ZNF804B: variants seen among roughly 807,000 people sequenced by gnomAD.
ZNF804B encodes zinc finger protein 804B, also known as zinc finger 804B.
Under a neutral mutation model 101.4 loss-of-function variants are expected in ZNF804B, and 80 were observed. The ratio of observed to expected loss-of-function variants is 0.79; its 90% confidence interval spans 0.66 to 0.95. ZNF804B has a LOEUF of 0.95. ZNF804B is among the 40% of genes least tolerant of loss of function. The pLI is 0.00. For synonymous variants in ZNF804B, 622 were observed against 558.8 expected (o/e 1.11, Z -1.59); for missense variants, 1,673 against 1,561.9 (o/e 1.07, Z -1.20).
At chr7:89,223,631 T>TTA (rs1305139568) in intron 2 of ZNF804B, among the ~76,000 whole-genome samples, 1 of 151,204 alleles carries the variant, frequency 6.6e-6, no homozygotes, top group Admixed American at 6.6e-5. Flanking sequence ...ATTTATTTAT[T>TTA]TATTTTTGCC....
intron 1 of ZNF804B, among the ~76,000 whole-genome samples, chr7:88,873,338 T>G (rs1274321345): frequency 2.0e-5 from 3 of 152,248 alleles, no homozygotes; most frequent in African/African-American, 7.2e-5. Context: ...CTTGTAAATT[T>G]GTTTGAGTTC....
chr7:89,123,686 A>G (rs185559578), intron 1 of ZNF804B, among the ~76,000 whole-genome samples: 1 of 126,904 alleles, frequency 7.9e-6, no homozygotes, highest in Non-Finnish European at 1.6e-5. Flanking sequence ...CTTCTCATAT[A>G]TTTTACTATA....
At chr7:89,004,707 T>TA (rs1048046508) in intron 1 of ZNF804B, among the ~76,000 whole-genome samples, 2 of 151,704 alleles carry the variant, frequency 1.3e-5, no homozygotes, top group Non-Finnish European at 2.9e-5. Context: ...TCATCTCTAT[T>TA]AAAAAAAAGT....
chr7:89,210,848 G>A (rs1788791975), intron 1 of ZNF804B, among the ~76,000 whole-genome samples: 1 of 152,178 alleles, frequency 6.6e-6, no homozygotes, highest in African/African-American at 2.4e-5. Context: ...ATATTCCTTT[G>A]GGTATATACC....
At chr7:89,015,435 A>T (rs1788532835) in intron 1 of ZNF804B, among the ~76,000 whole-genome samples, 2 of 151,924 alleles carry the variant, frequency 1.3e-5, no homozygotes, top group African/African-American at 4.8e-5. Flanking sequence ...TGCTGCACCC[A>T]TTAACTCGTC....
chr7:88,853,088 A>G (rs1791469955), intron 1 of ZNF804B, among the ~76,000 whole-genome samples: 2 of 152,110 alleles, frequency 1.3e-5, no homozygotes, highest in Admixed American at 1.3e-4. Context: ...GCAACATTAG[A>G]TAGGTATTTG....
intron 1 of ZNF804B, among the ~76,000 whole-genome samples, chr7:89,027,003 A>T (rs1006897665): frequency 1.3e-5 from 2 of 152,144 alleles, no homozygotes; most frequent in Admixed American, 1.3e-4. Context: ...TTAGAATAAA[A>T]TTCCTGAGAA....
At chr7:89,197,827 A>G (rs143128387) in intron 1 of ZNF804B, among the ~76,000 whole-genome samples, 1 of 152,020 alleles carries the variant, frequency 6.6e-6, no homozygotes, top group African/African-American at 2.4e-5. Context: ...GATAGTTGAC[A>G]TTTTTGTACA....
chr7:88,775,151 A>G (rs951764051), intron 1 of ZNF804B, among the ~76,000 whole-genome samples: 1 of 152,240 alleles, frequency 6.6e-6, no homozygotes, highest in Non-Finnish European at 1.5e-5. Context: ...ATTCTTGTGA[A>G]GATAAGTAAC....
At chr7:88,872,373 C>T (rs149524818) in intron 1 of ZNF804B, among the ~76,000 whole-genome samples, 4,404 of 152,098 alleles carry the variant, frequency 0.029, 226 homozygotes, top group African/African-American at 0.1. Context: ...GCTATGATTG[C>T]GCCACTTCAC....
At chr7:88,962,629 A>T (rs1028799125) in intron 1 of ZNF804B, among the ~76,000 whole-genome samples, 11 of 147,068 alleles carry the variant, frequency 7.5e-5, no homozygotes. Flanking sequence ...TCATTTATGG[A>T]TGTGTGCAGT....
At chr7:89,329,175 C>A (rs911140427) in intron 3 of ZNF804B, among the ~76,000 whole-genome samples, 3 of 151,720 alleles carry the variant, frequency 2.0e-5, no homozygotes, top group Non-Finnish European at 4.4e-5. Flanking sequence ...ATAAAATAGG[C>A]AAACTCTCTA....
intron 1 of ZNF804B, among the ~76,000 whole-genome samples, chr7:88,895,956 T>A (rs1792277397): frequency 2.0e-5 from 3 of 152,212 alleles, no homozygotes; most frequent in Admixed American, 6.5e-5. Flanking sequence ...CATCAAGATG[T>A]TGGATTATAA....
chr7:88,765,788 T>A (rs1029909087), intron 1 of ZNF804B, among the ~76,000 whole-genome samples: 4 of 152,100 alleles, frequency 2.6e-5, no homozygotes, highest in Admixed American at 2.6e-4. Context: ...GAGAATAAGA[T>A]CTGGAGAGAG....
chr7:88,773,804 G>C (rs1185608077), intron 1 of ZNF804B, among the ~76,000 whole-genome samples: 2 of 152,060 alleles, frequency 1.3e-5, no homozygotes, highest in East Asian at 1.9e-4. Flanking sequence ...GGCAAGAAAG[G>C]GGGGTGAGGG....
intron 1 of ZNF804B, among the ~76,000 whole-genome samples, chr7:89,061,805 C>G (rs567564069): frequency 1.3e-5 from 2 of 152,188 alleles, no homozygotes; most frequent in Admixed American, 1.3e-4. Context: ...GTCTATTGCA[C>G]ATCTCCATCA....
chr7:88,780,157 A>G (rs1003611566), intron 1 of ZNF804B, among the ~76,000 whole-genome samples: 2 of 152,196 alleles, frequency 1.3e-5, no homozygotes, highest in African/African-American at 4.8e-5. Flanking sequence ...GCTTATATCC[A>G]AAAGACAGGG....
chr7:89,045,451 T>C (rs1002119569), intron 1 of ZNF804B, among the ~76,000 whole-genome samples: 1 of 152,142 alleles, frequency 6.6e-6, no homozygotes, highest in East Asian at 1.9e-4. Context: ...GCTTGCACCA[T>C]GTACCTGGAA....
chr7:89,115,971 C>A (rs1270629623), intron 1 of ZNF804B, among the ~76,000 whole-genome samples: 1 of 149,986 alleles, frequency 6.7e-6, no homozygotes, highest in East Asian at 2.0e-4. Context: ...GTGGCGTGAT[C>A]TTGGCTTACT....
Sources: allele counts gnomAD v4.1 joint callset (sites outside exome capture counted in the v4.1 genomes callset), GRCh38; gene constraint gnomAD v4.1.1; transcripts MANE v1.5; gene names NCBI Gene and HGNC (gene_info 2026-07-23, HGNC 2026-07-21).